OSBPL3: variants seen among roughly 807,000 people sequenced by gnomAD.
OSBPL3 encodes the protein oxysterol-binding protein-related protein 3.
In OSBPL3, 65 loss-of-function variants were observed where a neutral mutation model predicts 120.1. That is an observed-to-expected ratio of 0.54 (90% CI 0.44 to 0.67). OSBPL3 has a LOEUF of 0.67. Ranked by LOEUF, OSBPL3 falls within the 30% of genes least tolerant of loss-of-function variation. The pLI, the probability that OSBPL3 is intolerant of heterozygous loss-of-function variation, is 0.00. For synonymous variants in OSBPL3, 416 were observed against 402.6 expected, an observed-to-expected ratio of 1.03 and a Z score of -0.40; for missense variants, 1,004 against 1,082.1, an observed-to-expected ratio of 0.93 and a Z score of 1.01.
chr7:24,972,864 T>G lies in OSBPL3; in HGVS notation c.-150+7022A>C, dbSNP rs954470179. On this transcript the variant is annotated intron_variant, in intron 1 of 22. Coordinates refer to ENST00000313367, the MANE Select transcript of OSBPL3 (RefSeq NM_015550.4). The surrounding 1 kb of genome is among the most constrained non-coding windows in gnomAD (Gnocchi z 4.3). The stretch of plus-strand genomic sequence containing the variant: ...GTTTTATAAGATGTAAACTATAATT[T>G]TAAAGTTCTTGTAACTATTACAATA... Among the ~76,000 whole-genome samples the G allele has an allele frequency of 6.6e-6, 1 of 152,192 alleles. No homozygotes were observed. Among genetic ancestry groups the G allele is most frequent in the African/African-American group, 2.4e-5 (1 of 41,440 alleles).
chr7:24,946,282 C>T lies in OSBPL3; in HGVS notation c.-150+33604G>A, dbSNP rs1201894700. On this transcript the variant is annotated intron_variant, in intron 1 of 22. Transcript: ENST00000313367. The surrounding 1 kb of genome is among the most constrained non-coding windows in gnomAD (Gnocchi z 4.3). ...TCCCAAGAGAAGTAAGCAGAAATTG[C>T]ACAGCCTTTTACAACCTAGACTACT... Among the ~76,000 whole-genome samples, 2 of 152,158 alleles carry T rather than the reference C, an allele frequency of 1.3e-5. No individual in the cohort carries two copies. The highest frequency in any genetic ancestry group is 2.9e-5 in the Non-Finnish European group (2 of 68,016).
rs552785913 is a variant in OSBPL3 at position 24,937,355 on chromosome 7, T to C, written c.-150+42531A>G. ...TGGGTGGGAACACAGCCAAACCATATCAGTAAATTTTTATTTCAATTGTTT... is the reference window on the plus strand; with the variant it reads ...TGGGTGGGAACACAGCCAAACCATACCAGTAAATTTTTATTTCAATTGTTT... On this transcript the variant is annotated intron_variant, in intron 1 of 22. Transcript: ENST00000313367. This position sits in a 1 kb window ranked among gnomAD's most constrained non-coding sequence, Gnocchi z 4.0. Among the ~76,000 whole-genome samples, 2 of 152,326 alleles carry C rather than the reference T, an allele frequency of 1.3e-5. No homozygotes were observed. Among genetic ancestry groups the C allele is most frequent in the East Asian group, 1.9e-4 (1 of 5,188 alleles).
At position 24,863,271 on chromosome 7, in the gene OSBPL3, T is replaced by C. The variant is rs982669458; in HGVS notation, c.799A>G (p.Lys267Glu). 1 of 1,613,986 alleles carries C rather than the reference T, an allele frequency of 6.2e-7. No individual in the cohort carries two copies. The highest frequency in any genetic ancestry group is 8.5e-7 in the Non-Finnish European group (1 of 1,179,954). ...AIQGGSFESP[K>E]KEKRSHRRWR... is the part of the protein sequence containing the mutation. Reference sequence around the variant, plus strand: ...CTCCTGTGCGATCTTTTTTCCTTTTTGGGACTTTCAAAAGATCCACCCTTT... The same window carrying C: ...CTCCTGTGCGATCTTTTTTCCTTTTCGGGACTTTCAAAAGATCCACCCTTT... Residue 267 changes from lysine to glutamate, a missense_variant, in exon 9 of 23, where the codon AAA becomes GAA. Around this residue, in one of 4 missense-constraint regions of OSBPL3, gnomAD observed 272 missense variants for 248.8 expected, o/e 1.09. Transcript: ENST00000313367. The surrounding 1 kb of genome is among the most constrained non-coding windows in gnomAD (Gnocchi z 5.8).
In OSBPL3 at chr7:24,862,948, C is replaced by T. The variant is rs1490484613; in HGVS notation, c.870+252G>A. Among the ~76,000 whole-genome samples the T allele has an allele frequency of 6.6e-6, 1 of 152,222 alleles. No homozygotes were observed. The highest frequency in any genetic ancestry group is 1.5e-5 in the Non-Finnish European group (1 of 68,038). On this transcript the variant is annotated intron_variant, in intron 9 of 22. Coordinates refer to ENST00000313367, the MANE Select transcript of OSBPL3 (RefSeq NM_015550.4). This position sits in a 1 kb window ranked among gnomAD's most constrained non-coding sequence, Gnocchi z 4.4. The stretch of plus-strand genomic sequence containing the variant: ...AAACCAAAAGCCCTAGAAATGGCAG[C>T]AGTCCCTGCGACCTCACACCCTTTT...
rs1297540942 is a variant in OSBPL3, at chr7:24,972,820, T to G, written c.-150+7066A>C. Among the ~76,000 whole-genome samples, 1 of 152,132 alleles carries G rather than the reference T, an allele frequency of 6.6e-6. No individual in the cohort carries two copies. The highest frequency in any genetic ancestry group is 1.5e-5 in the Non-Finnish European group (1 of 68,014). On this transcript the variant is annotated intron_variant, in intron 1 of 22. Coordinates refer to ENST00000313367, the MANE Select transcript of OSBPL3 (RefSeq NM_015550.4). The surrounding 1 kb of genome is among the most constrained non-coding windows in gnomAD (Gnocchi z 4.3). Reference sequence around the variant, plus strand: ...AGATGACTGTCCACCACAAATTACTTGGGGAGGGAGAAATATTTGTTTTAT... The same window carrying G: ...AGATGACTGTCCACCACAAATTACTGGGGGAGGGAGAAATATTTGTTTTAT...
At chr7:24,976,944 C>T (rs1817652396) in intron 1 of OSBPL3, among the ~76,000 whole-genome samples, 1 of 152,036 alleles carries the variant, frequency 6.6e-6, no homozygotes. Flanking sequence ...TAGGTGGTAC[C>T]CATGCCACTC....
intron 2 of OSBPL3, among the ~76,000 whole-genome samples, chr7:24,889,131 T>C (rs943791845): frequency 2.0e-5 from 3 of 152,096 alleles, no homozygotes; most frequent in African/African-American, 4.8e-5. Context: ...CCAAAGAAAA[T>C]GTGGTGCATA....
At position 24,854,118 on chromosome 7, in the gene OSBPL3, C is replaced by T. The variant is rs1395639776; in HGVS notation, c.1028-1484G>A. Among the ~76,000 whole-genome samples the T allele has an allele frequency of 6.6e-6, 1 of 151,862 alleles. No homozygotes were observed. The highest frequency in any genetic ancestry group is 1.5e-5 in the Non-Finnish European group (1 of 67,962). ...CATTAGGTTTTGATCACATCATGTA[C>T]AAATTACTTCCTAGGGATGAGGAAG... On this transcript the variant is annotated intron_variant, in intron 10 of 22. Coordinates refer to ENST00000313367, the MANE Select transcript of OSBPL3 (RefSeq NM_015550.4). This position sits in a 1 kb window ranked among gnomAD's most constrained non-coding sequence, Gnocchi z 4.1.
At position 24,813,834 on chromosome 7, in the gene OSBPL3, G is replaced by A. The variant is rs1794134503; in HGVS notation, c.2172+1225C>T. Among the ~76,000 whole-genome samples the A allele has an allele frequency of 6.6e-6, 1 of 152,180 alleles. No homozygotes were observed. Among genetic ancestry groups the A allele is most frequent in the South Asian group, 2.1e-4 (1 of 4,830 alleles). On this transcript the variant is annotated intron_variant, in intron 19 of 22. Coordinates refer to ENST00000313367, the MANE Select transcript of OSBPL3 (RefSeq NM_015550.4). This position sits in a 1 kb window ranked among gnomAD's most constrained non-coding sequence, Gnocchi z 4.5. ...AGCAAGAAGGAATCTAGGAGGGAGA[G>A]AAAGCAGGGAGGGCCGCCAGCAAGG...
chr7:24,865,972 C>T (rs1364556048), intron 6 of OSBPL3, 98 bp downstream of exon 6: 15 of 942,228 alleles, frequency 1.6e-5, no homozygotes, highest in South Asian at 7.4e-5. Flanking sequence ...TGCTTGTCCC[C>T]GAAAACTTTT....
chr7:24,974,932 ACT>A (rs1305680114), intron 1 of OSBPL3, among the ~76,000 whole-genome samples: 1 of 152,140 alleles, frequency 6.6e-6, no homozygotes, highest in Admixed American at 6.5e-5. Context: ...TGGTTGCACA[ACT>A]CTGAATATAC....
At position 24,831,554 on chromosome 7, in the gene OSBPL3, C is replaced by G. The variant is rs1796368453; in HGVS notation, c.1747-649G>C. On this transcript the variant is annotated intron_variant, in intron 15 of 22. Transcript: ENST00000313367. This position sits in a 1 kb window ranked among gnomAD's most constrained non-coding sequence, Gnocchi z 4.0. ...AAACTTTACGTGAACACGAAGTGAA[C>G]AAACTCTCTGGGCAGCCCTTACTGT... Among the ~76,000 whole-genome samples, 1 of 152,162 alleles carries G rather than the reference C, an allele frequency of 6.6e-6. No homozygotes were observed. The highest frequency in any genetic ancestry group is 2.4e-5 in the African/African-American group (1 of 41,442).
chr7:24,957,611 T>C (rs1815223510), intron 1 of OSBPL3, among the ~76,000 whole-genome samples: 1 of 152,238 alleles, frequency 6.6e-6, no homozygotes. Flanking sequence ...ATACACTTAA[T>C]GTTCTCTAAT....
intron 2 of OSBPL3, among the ~76,000 whole-genome samples, chr7:24,876,988 T>C (rs1202185065): frequency 6.6e-6 from 1 of 152,142 alleles, no homozygotes; most frequent in East Asian, 1.9e-4. Context: ...TGCACAACCT[T>C]TGAGATTGGA....
At chr7:24,902,441 A>T (rs1475772580) in intron 1 of OSBPL3, among the ~76,000 whole-genome samples, 1 of 152,098 alleles carries the variant, frequency 6.6e-6, no homozygotes, top group Non-Finnish European at 1.5e-5. Context: ...CTGCAACATG[A>T]CTATGTCTTG....
Position 24,855,805 on chromosome 7 carries a change from T to G in OSBPL3, c.1028-3171A>C, listed in dbSNP as rs1315423790. ...GAGACAAATAAACAGCTTTAAAAAA[T>G]AGAAGATTCAAATGAGTGCATCACA... On this transcript the variant is annotated intron_variant, in intron 10 of 22. Coordinates refer to ENST00000313367, the MANE Select transcript of OSBPL3 (RefSeq NM_015550.4). This position sits in a 1 kb window ranked among gnomAD's most constrained non-coding sequence, Gnocchi z 4.3. Among the ~76,000 whole-genome samples the G allele has an allele frequency of 6.6e-6, 1 of 152,172 alleles. No homozygotes were observed. The highest frequency in any genetic ancestry group is 1.5e-5 in the Non-Finnish European group (1 of 68,014).
At chr7:24,885,239 A>AG (rs1419089915) in intron 2 of OSBPL3, among the ~76,000 whole-genome samples, 6 of 151,048 alleles carry the variant, frequency 4.0e-5, no homozygotes, top group Non-Finnish European at 4.4e-5. Context: ...AAAAAAAAAA[A>AG]AAAGAAAGAA....
At chr7:24,904,918 G>GGGGTGTGTGTGT (rs376069147) in intron 1 of OSBPL3, among the ~76,000 whole-genome samples, 3 of 132,860 alleles carry the variant, frequency 2.3e-5, no homozygotes, top group Non-Finnish European at 3.2e-5. Context: ...ATAATATACA[G>GGGGTGTGTGTGT]GTGTGTGTGT....
rs1280348497 is a variant in OSBPL3, at chr7:24,871,378, T to C, written c.267+364A>G. ...GCCTGGGATTAATTTGAAAAGGAACTTCTTCACCCAGGGGCTTCTCCCCGG... is the reference window on the plus strand; with the variant it reads ...GCCTGGGATTAATTTGAAAAGGAACCTCTTCACCCAGGGGCTTCTCCCCGG... On this transcript the variant is annotated intron_variant, in intron 4 of 22. Coordinates refer to ENST00000313367, the MANE Select transcript of OSBPL3 (RefSeq NM_015550.4). The surrounding 1 kb of genome is among the most constrained non-coding windows in gnomAD (Gnocchi z 4.8). 6.6e-6 allele frequency among the ~76,000 whole-genome samples: 1 copy of C among 152,096 alleles called. No individual in the cohort carries two copies. Among genetic ancestry groups the C allele is most frequent in the East Asian group, 1.9e-4 (1 of 5,196 alleles).
Sources: gnomAD v4.1 joint callset for allele counts (sites outside exome capture counted in the v4.1 genomes callset) on GRCh38, gnomAD v4.1.1 for gene constraint, gnomAD v4.1.1 regional missense constraint, Gnocchi (gnomAD v3.1) non-coding constraint, MANE v1.5 for transcripts, NCBI Gene and HGNC (gene_info 2026-07-23, HGNC 2026-07-21) for gene names.